Variants in SLC17A9 observed in about 807,000 individuals in gnomAD.
The protein encoded by SLC17A9 is solute carrier family 17 member 9.
Under a neutral mutation model 55.0 loss-of-function variants are expected in SLC17A9, and 49 were observed. The ratio of observed to expected loss-of-function variants is 0.89; its 90% confidence interval spans 0.71 to 1.13. SLC17A9 has a LOEUF of 1.13. Ranked by LOEUF, SLC17A9 falls within the 50% of genes most tolerant of loss-of-function variation. SLC17A9 has a pLI of 0.00. For synonymous variants in SLC17A9, 256 were observed against 247.4 expected (o/e 1.03, Z -0.32); for missense variants, 526 against 569.3 (o/e 0.92, Z 0.77).
At chr20:62,957,621 C>G in intron 3 of SLC17A9, 41 bp downstream of exon 3, 1 of 1,475,460 alleles carries the variant, frequency 6.8e-7, no homozygotes, top group South Asian at 1.4e-5. Flanking sequence ...TCTCTGGCAC[C>G]AGGTGGGGAG....
Position 62,964,332 on chromosome 20 carries a change from G to A in SLC17A9, c.910+17G>A. The A allele has an allele frequency of 6.2e-7, 1 of 1,613,084 alleles. No homozygotes were observed. The highest frequency in any genetic ancestry group is 8.5e-7 in the Non-Finnish European group (1 of 1,179,014). On this transcript the variant is annotated intron_variant, in intron 8 of 12. Coordinates refer to ENST00000370351, the MANE Select transcript of SLC17A9 (RefSeq NM_022082.4). ...TCAATCAGGGTGAGCCCCAGGGAGG[G>A]GACCGGGGCTGGAAGCCACACCCTG...
In SLC17A9 at chr20:62,957,445, G is replaced by C. The variant is rs1170782940; in HGVS notation, c.262G>C (p.Gly88Arg). 6.3e-7 allele frequency: 1 copy of C among 1,584,488 alleles called. No individual in the cohort carries two copies. Among genetic ancestry groups the C allele is most frequent in the Non-Finnish European group, 8.6e-7 (1 of 1,166,964 alleles). ...CTCCCTCTGTCTTCCCTCCAGGATT[G>C]GGGGTGAGAAGGTCATCCTGCTGTC... is the stretch of plus-strand genomic sequence containing the variant. ...VVGGHLGDRI[G>R]GEKVILLSAS... The change falls in exon 3 of 13, where the codon GGG (glycine) becomes CGG (arginine). Residue 88 changes from glycine to arginine, a missense_variant. Coordinates refer to ENST00000370351, the MANE Select transcript of SLC17A9 (RefSeq NM_022082.4).
chr20:62,967,148 C>G lies in SLC17A9; in HGVS notation c.1148-189C>G, dbSNP rs80253957. 2.0e-4 allele frequency: 134 copies of G among 661,546 alleles called. No individual in the cohort carries two copies. In the East Asian group the frequency reaches 3.3e-3, roughly 16 times the overall value. The allele number at this position is 661,546 out of a possible 1,614,324, so 41.0% of individuals were successfully genotyped here. On this transcript the variant is annotated intron_variant, in intron 12 of 12. Coordinates refer to ENST00000370351, the MANE Select transcript of SLC17A9 (RefSeq NM_022082.4). ...CTGGATGGCCTGTGAGATCTCTGCC[C>G]CTCCAAGACCCTCCAAGTCTGAGCC...
At chr20:62,965,919 G>A (rs942586090) in intron 10 of SLC17A9, among the ~76,000 whole-genome samples, 194 bp downstream of exon 10, 1 of 152,286 alleles carries the variant, frequency 6.6e-6, no homozygotes, top group Non-Finnish European at 1.5e-5. Flanking sequence ...TCAGTGAGCA[G>A]CACGTGCGCG....
At position 62,960,502 on chromosome 20, in the gene SLC17A9, A is replaced by C; in HGVS notation, c.398-2A>C. The C allele has an allele frequency of 6.2e-7, 1 of 1,611,950 alleles. No individual in the cohort carries two copies. Among genetic ancestry groups the C allele is most frequent in the Non-Finnish European group, 8.5e-7 (1 of 1,179,428 alleles). On this transcript the variant is annotated splice_acceptor_variant, in intron 3 of 12. Transcript: ENST00000370351. LOFTEE classifies it high-confidence loss of function. The stretch of plus-strand genomic sequence containing the variant: ...GAGAGACCCTCCCTCCACTTGTTGC[A>C]GGGGTTTACTTCCCTGCCCTGACCA...
chr20:62,955,229 C>A (rs748858273), intron 1 of SLC17A9, among the ~76,000 whole-genome samples: 3 of 151,850 alleles, frequency 2.0e-5, no homozygotes, highest in Non-Finnish European at 2.9e-5. Context: ...TTCACTGCAA[C>A]CTCTGCCTCC....
chr20:62,964,974 G>C, intron 8 of SLC17A9, 158 bp from the exon 9 acceptor site: 1 of 772,744 alleles, frequency 1.3e-6, no homozygotes, highest in Non-Finnish European at 2.2e-6. Flanking sequence ...CCACATGCGT[G>C]TGTGCACACG....
chr20:62,964,032 G>T lies in SLC17A9; in HGVS notation c.823-196G>T, dbSNP rs886392271. 6.1e-6 allele frequency: 4 copies of T among 654,386 alleles called. No homozygotes were observed. The African/African-American group carries it at 7.2e-5, about 12-fold the overall frequency. 40.5% of individuals were successfully genotyped at this position (654,386 alleles called of 1,614,324 possible). ...AGAGGGGTCACCTGCGGTCAGCACG[G>T]TTCCTTCTCTGAGGCTGTCTTGCTG... is the stretch of plus-strand genomic sequence containing the variant. On this transcript the variant is annotated intron_variant, in intron 7 of 12. Transcript: ENST00000370351.
At chr20:62,965,309 C>T (rs2065625798) in intron 9 of SLC17A9, 143 bp downstream of exon 9, 1 of 1,105,092 alleles carries the variant, frequency 9.0e-7, no homozygotes, top group East Asian at 2.5e-5. Context: ...GCACTGGGGC[C>T]CAGAAGGGGC....
At position 62,958,820 on chromosome 20, in the gene SLC17A9, C is replaced by T. The variant is rs915822460; in HGVS notation, c.397+1240C>T. Among the ~76,000 whole-genome samples, 3 of 152,136 alleles carry T rather than the reference C, an allele frequency of 2.0e-5. No homozygotes were observed. Among genetic ancestry groups the T allele is most frequent in the Non-Finnish European group, 4.4e-5 (3 of 68,004 alleles). On this transcript the variant is annotated intron_variant, in intron 3 of 12. Transcript: ENST00000370351. This position sits in a 1 kb window ranked among gnomAD's most constrained non-coding sequence, Gnocchi z 4.1. ...TCCATAACAGAGGAAGGGGGTCTGC[C>T]CAGGAGAGAGGCCACTCTCATGGTC... is the stretch of plus-strand genomic sequence containing the variant.
intron 4 of SLC17A9, among the ~76,000 whole-genome samples, chr20:62,961,665 T>C (rs959757340): frequency 2.0e-5 from 3 of 152,102 alleles, no homozygotes; most frequent in Non-Finnish European, 4.4e-5. Context: ...AGGCCTAGAG[T>C]GACCAGATTC....
intron 9 of SLC17A9, 114 bp from the exon 10 acceptor site, chr20:62,965,496 C>A: frequency 9.9e-7 from 1 of 1,008,174 alleles, no homozygotes; most frequent in South Asian, 1.4e-5. Flanking sequence ...GTGGTCGCAG[C>A]CAACCTGACC....
rs149903298 is a variant in SLC17A9, at chr20:62,953,205, C to T, written c.59+316C>T. ...CTGGACAGTCAGGAGGCATACCCCT[C>T]GCCAGGTGGAACCACCCTGTGTATG... On this transcript the variant is annotated intron_variant, in intron 1 of 12. Coordinates refer to ENST00000370351, the MANE Select transcript of SLC17A9 (RefSeq NM_022082.4). The T allele has an allele frequency of 3.2e-4, 490 of 1,550,424 alleles. 3 individuals are homozygous for T. In the Middle Eastern group the frequency reaches 0.011, roughly 35 times the overall value.
chr20:62,953,908 G>A (rs1008632649), intron 1 of SLC17A9, among the ~76,000 whole-genome samples: 31 of 152,228 alleles, frequency 2.0e-4, no homozygotes, highest in African/African-American at 2.9e-4. Context: ...TGCCCTCAGC[G>A]GGCCCTGCCC....
intron 9 of SLC17A9, 68 bp downstream of exon 9, chr20:62,965,234 G>A: frequency 6.2e-7 from 1 of 1,604,914 alleles, no homozygotes; most frequent in South Asian, 1.1e-5. Context: ...CAGGAACTCA[G>A]GGTTGTGTCC....
intron 3 of SLC17A9, 91 bp downstream of exon 3, chr20:62,957,671 G>T: frequency 9.2e-7 from 1 of 1,087,298 alleles, no homozygotes; most frequent in Non-Finnish European, 1.2e-6. Flanking sequence ...AGGTGCATGC[G>T]TGCATGCAGG....
intron 1 of SLC17A9, among the ~76,000 whole-genome samples, chr20:62,954,513 G>C (rs71325418): frequency 1.3e-5 from 2 of 152,276 alleles, no homozygotes; most frequent in South Asian, 4.1e-4. Flanking sequence ...AGGGAGTGCA[G>C]AGTGGTGGGA....
intron 1 of SLC17A9, chr20:62,953,128 T>G: frequency 6.7e-7 from 1 of 1,492,368 alleles, no homozygotes; most frequent in Non-Finnish European, 9.1e-7. Context: ...CCAGCCAGTG[T>G]TCCTGGGGCT....
chr20:62,965,007 G>A (rs1468379298), intron 8 of SLC17A9, 125 bp from the exon 9 acceptor site: 3 of 1,105,980 alleles, frequency 2.7e-6, no homozygotes, highest in African/African-American at 1.5e-5. Context: ...GCACGGGATA[G>A]CTGTCTTGAG....
Sources: allele counts gnomAD v4.1 joint callset (sites outside exome capture counted in the v4.1 genomes callset), GRCh38; gene constraint gnomAD v4.1.1; non-coding constraint Gnocchi (gnomAD v3.1); transcripts MANE v1.5; gene names NCBI Gene and HGNC (gene_info 2026-07-23, HGNC 2026-07-21).